COX6C: variants seen among roughly 807,000 people sequenced by gnomAD.
COX6C encodes cytochrome c oxidase polypeptide VIc.
A neutral mutation model predicts 6.9 loss-of-function variants in COX6C; 3 were observed. That is an observed-to-expected ratio of 0.43 (90% CI 0.20 to 1.12). The LOEUF is 1.12. Ranked by LOEUF, COX6C falls within the 50% of genes most tolerant of loss-of-function variation. The pLI is 0.27. For missense variants in COX6C, 101 were observed against 97.3 expected (o/e 1.04, Z -0.16); for synonymous variants, 32 against 32.0 (o/e 1.00, Z 0.00).
intron 2 of COX6C, among the ~76,000 whole-genome samples, chr8:99,891,214 C>T (rs1818027295): frequency 6.6e-6 from 1 of 152,192 alleles, no homozygotes; most frequent in Admixed American, 6.5e-5. Flanking sequence ...TAAAATGAGG[C>T]CTTTAGGGTG....
intron 2 of COX6C, among the ~76,000 whole-genome samples, chr8:99,888,550 G>A (rs911682807): frequency 1.3e-5 from 2 of 152,122 alleles, no homozygotes; most frequent in East Asian, 3.9e-4. Context: ...CTCTAGCCTG[G>A]GTGACAGAGC....
At chr8:99,888,201 C>T (rs1817973758) in intron 2 of COX6C, among the ~76,000 whole-genome samples, 2 of 152,176 alleles carry the variant, frequency 1.3e-5, no homozygotes, top group Admixed American at 6.5e-5. Flanking sequence ...GATGGAGTAA[C>T]GCAGTAAGAA....
chr8:99,886,365 G>C lies in COX6C; in HGVS notation c.*15+1125C>G, dbSNP rs561761404. On this transcript the variant is annotated intron_variant, in intron 3 of 3. Transcript: ENST00000520468. ...TGATCGCACTACAGCACTACGGCCT[G>C]GGTGACAGAGGGAGACCCTGTTAAA... 2.0e-5 allele frequency: 3 copies of C among 152,314 alleles called. No individual in the cohort carries two copies. In the East Asian group the frequency reaches 5.8e-4, roughly 29 times the overall value. The allele number at this position is 152,314 out of a possible 1,614,324, so 9.4% of individuals were successfully genotyped here. A position where few individuals can be genotyped will look rare whatever the true frequency, so the allele number is the denominator to read the frequency against.
intron 2 of COX6C, among the ~76,000 whole-genome samples, chr8:99,890,202 ATCCGCCCACCTCAGCT>A (rs1316412697): frequency 2.6e-5 from 4 of 152,248 alleles, no homozygotes; most frequent in Admixed American, 6.5e-5. Flanking sequence ...AGCTCAAGCA[ATCCGCCCACCTCAGCT>A]TCCCAAAGTG....
chr8:99,885,015 A>T (rs957364905), intron 3 of COX6C, among the ~76,000 whole-genome samples: 5 of 152,342 alleles, frequency 3.3e-5, no homozygotes, highest in Admixed American at 6.5e-5. Context: ...CAGACTCTTA[A>T]GGAACCACAA....
intron 2 of COX6C, among the ~76,000 whole-genome samples, chr8:99,890,435 G>C (rs1329389336): frequency 1.3e-5 from 2 of 152,202 alleles, no homozygotes; most frequent in African/African-American, 4.8e-5. Context: ...TTTAAGAACA[G>C]AGATTTAGCT....
intron 1 of COX6C, among the ~76,000 whole-genome samples, chr8:99,892,391 T>C (rs1408945525): frequency 2.6e-5 from 4 of 152,148 alleles, no homozygotes; most frequent in Non-Finnish European, 4.4e-5. Context: ...CTAAACGCTG[T>C]CCTTTATATC....
At chr8:99,888,964 AC>A (rs1817989926) in intron 2 of COX6C, among the ~76,000 whole-genome samples, 2 of 151,986 alleles carry the variant, frequency 1.3e-5, no homozygotes, top group Admixed American at 6.5e-5. Flanking sequence ...TGTTAGCAGG[AC>A]CCCCTCTTGC....
chr8:99,891,873 T>C, intron 2 of COX6C, 35 bp downstream of exon 2: 2 of 1,589,174 alleles, frequency 1.3e-6, no homozygotes, highest in African/African-American at 1.3e-5. Flanking sequence ...ACACATACTT[T>C]ATGACCTTCG....
chr8:99,881,601 A>G (rs1817866623), intron 3 of COX6C, among the ~76,000 whole-genome samples: 2 of 152,210 alleles, frequency 1.3e-5, no homozygotes, highest in Admixed American at 1.3e-4. Context: ...AGCATATTTC[A>G]TGTAATCCCC....
intron 2 of COX6C, among the ~76,000 whole-genome samples, chr8:99,891,209 T>C (rs982625783): frequency 2.0e-5 from 3 of 152,226 alleles, no homozygotes; most frequent in Non-Finnish European, 2.9e-5. Context: ...TAAGTTAAAA[T>C]GAGGCCTTTA....
rs146688659 is a variant in COX6C at position 99,884,366 on chromosome 8, T to C, written c.*15+3124A>G. Among the ~76,000 whole-genome samples the C allele has an allele frequency of 8.7e-4, 132 of 152,152 alleles. 1 individual carries two copies. Among genetic ancestry groups the C allele is most frequent in the African/African-American group, 3.1e-3 (128 of 41,508 alleles). ...TGCCTAATAAAGGAAATTAAGAAAA[T>C]AATTCTATTTATAATAGCACCAAAA... On this transcript the variant is annotated intron_variant, in intron 3 of 3. Transcript: ENST00000520468.
chr8:99,885,448 G>A lies in COX6C; in HGVS notation c.*15+2042C>T, dbSNP rs187127575. ...AAAACGGACTACTGTAATCAAAACA[G>A]TGTAGTACTGCCCCGAAGACAGACA... is the stretch of plus-strand genomic sequence containing the variant. On this transcript the variant is annotated intron_variant, in intron 3 of 3. Coordinates refer to ENST00000520468, the MANE Select transcript of COX6C (RefSeq NM_004374.4). Among the ~76,000 whole-genome samples the A allele has an allele frequency of 1.1e-3, 169 of 152,254 alleles. 3 individuals carry two copies. Among genetic ancestry groups the A allele is most frequent in the Non-Finnish European group, 1.2e-4 (8 of 67,992 alleles).
chr8:99,893,152 C>T (rs1235582086), intron 1 of COX6C: 5 of 152,268 alleles, frequency 3.3e-5, no homozygotes, highest in African/African-American at 1.2e-4. Flanking sequence ...TACGGTGACC[C>T]TCCTCCAGTT....
At chr8:99,888,204 A>C (rs1400550195) in intron 2 of COX6C, among the ~76,000 whole-genome samples, 1 of 152,190 alleles carries the variant, frequency 6.6e-6, no homozygotes, top group African/African-American at 2.4e-5. Context: ...GGAGTAACGC[A>C]GTAAGAATCC....
At chr8:99,880,204 T>C (rs1817841065) in intron 3 of COX6C, among the ~76,000 whole-genome samples, 1 of 152,036 alleles carries the variant, frequency 6.6e-6, no homozygotes, top group Non-Finnish European at 1.5e-5. Flanking sequence ...AATGCCTGAA[T>C]TTCACAAAAG....
intron 3 of COX6C, among the ~76,000 whole-genome samples, chr8:99,882,717 A>G (rs1817882321): frequency 6.6e-6 from 1 of 152,036 alleles, no homozygotes; most frequent in East Asian, 1.9e-4. Flanking sequence ...TACAGATCTA[A>G]AAAGGAGTGA....
At chr8:99,892,276 A>G (rs186469061) in intron 1 of COX6C, among the ~76,000 whole-genome samples, 2 of 152,318 alleles carry the variant, frequency 1.3e-5, no homozygotes, top group African/African-American at 4.8e-5. Flanking sequence ...TCGTCCTCCC[A>G]AAGTGCTGGG....
intron 2 of COX6C, among the ~76,000 whole-genome samples, 189 bp downstream of exon 2, chr8:99,891,719 G>T (rs1818035740): frequency 6.6e-6 from 1 of 152,164 alleles, no homozygotes; most frequent in Admixed American, 6.5e-5. Context: ...GTGGTTCTTT[G>T]TTACGGCATT....
Sources: allele counts gnomAD v4.1 joint callset (sites outside exome capture counted in the v4.1 genomes callset), GRCh38; gene constraint gnomAD v4.1.1; transcripts MANE v1.5; gene names NCBI Gene and HGNC (gene_info 2026-07-23, HGNC 2026-07-21).